Variants in CUL4B observed in about 807,000 individuals in gnomAD.
CUL4B encodes cullin-4B.
Under a neutral mutation model 69.2 loss-of-function variants are expected in CUL4B, and 1 was observed. That is an observed-to-expected ratio of 0.01 (90% CI 0.01 to 0.07). The LOEUF is 0.07. Among genes scored for constraint, CUL4B ranks in the 10% least tolerant of loss-of-function variants. The pLI is 1.00. For missense variants in CUL4B, 328 were observed against 638.8 expected, an observed-to-expected ratio of 0.51 and a Z score of 5.24; for synonymous variants, 237 against 223.2, an observed-to-expected ratio of 1.06 and a Z score of -0.55.
intron 1 of CUL4B, 111 bp downstream of exon 1, chrX:120,559,972 A>G: frequency 8.4e-7 from 1 of 1,187,863 alleles, no homozygotes; most frequent in Non-Finnish European, 1.1e-6. Flanking sequence ...TTGATTATGC[A>G]TAAAACATTA....
At position 120,524,482 on chromosome X, in the gene CUL4B, AT is replaced by A. The variant is rs901432633; in HGVS notation, c.*2278del. On this transcript the variant is annotated 3_prime_UTR_variant, in exon 20 of 20. Transcript: ENST00000371322. ...AGCATTACCACAAAACCATTACAAA[AT>A]TTTTAAAAAGTTTAAAAATAACAAA... The A allele has an allele frequency of 8.9e-6, 1 of 112,014 alleles. No homozygotes were observed. The highest frequency in any genetic ancestry group is 9.6e-5 in the Admixed American group (1 of 10,450). 9.2% of individuals were successfully genotyped at this position (112,014 alleles called of 1,213,427 possible). A position where few individuals can be genotyped will look rare whatever the true frequency, so the allele number is the denominator to read the frequency against.
At chrX:120,569,651 C>T (rs768412228), downstream of CUL4B, among the ~76,000 whole-genome samples, 3 of 112,040 alleles carry the variant, frequency 2.7e-5, no homozygotes, top group East Asian at 2.8e-4. Context: ...TGAGCCACCG[C>T]GCCCGGCTGG....
chrX:120,572,607 A>G (rs1433390563), intron 2 of CUL4B, among the ~76,000 whole-genome samples: 1 of 111,375 alleles, frequency 9.0e-6, no homozygotes, highest in Non-Finnish European at 1.9e-5. Flanking sequence ...AAGTTTACTG[A>G]TTAAAGATCT....
upstream of CUL4B, among the ~76,000 whole-genome samples, chrX:120,563,998 T>C (rs935612693): frequency 8.9e-6 from 1 of 112,419 alleles, no homozygotes; most frequent in African/African-American, 3.2e-5. Flanking sequence ...GAGTTACATG[T>C]TGGTTTTAAA....
At chrX:120,532,683 A>G (rs1240512772) in intron 17 of CUL4B, 89 bp from the exon 18 acceptor site, 2 of 820,564 alleles carry the variant, frequency 2.4e-6, no homozygotes, top group Non-Finnish European at 3.6e-6. Flanking sequence ...CCATCCCCCT[A>G]TTAAAACTAT....
At chrX:120,530,044 T>C (rs1602567520) in intron 19 of CUL4B, 58 bp downstream of exon 19, 1 of 1,108,638 alleles carries the variant, frequency 9.0e-7, no homozygotes, top group Admixed American at 2.2e-5. Flanking sequence ...TGTCTGAAAA[T>C]CTAATGTACT....
At chrX:120,572,322 G>A (rs892588629) in intron 2 of CUL4B, among the ~76,000 whole-genome samples, 3 of 108,629 alleles carry the variant, frequency 2.8e-5, no homozygotes, top group African/African-American at 6.7e-5. Context: ...AAAATTAGCC[G>A]GGTGTGGTGG....
chrX:120,538,284 A>G, intron 13 of CUL4B, 75 bp from the exon 14 acceptor site: 1 of 677,436 alleles, frequency 1.5e-6, no homozygotes, highest in South Asian at 2.6e-5. Context: ...GGGAAACACG[A>G]AATACAAAAC....
At chrX:120,526,934 AG>A (rs1466854065) in intron 19 of CUL4B, 78 bp from the exon 20 acceptor site, 3 of 542,487 alleles carry the variant, frequency 5.5e-6, no homozygotes, top group African/African-American at 4.5e-5. Context: ...CCCATTAAAA[AG>A]ACAACAGTTT....
At chrX:120,569,964 A>C (rs1011161067), downstream of CUL4B, among the ~76,000 whole-genome samples, 4 of 111,904 alleles carry the variant, frequency 3.6e-5, no homozygotes, top group African/African-American at 1.3e-4. Flanking sequence ...CATTCAGGAC[A>C]TTGCAAGGAG....
chrX:120,561,196 G>C (rs896944941), upstream of CUL4B: 7 of 641,033 alleles, frequency 1.1e-5, no homozygotes, highest in Non-Finnish European at 1.6e-5. Flanking sequence ...TCGCGCGTGA[G>C]GGGGCGGCTG....
chrX:120,530,924 G>A (rs756933424), intron 18 of CUL4B, among the ~76,000 whole-genome samples: 84 of 111,863 alleles, frequency 7.5e-4, no homozygotes, highest in African/African-American at 2.6e-3. Flanking sequence ...CAGCATAAAT[G>A]TTTTAAAAGT....
At chrX:120,539,160 A>C (rs1602575201) in intron 12 of CUL4B, 108 bp downstream of exon 12, 9 of 494,749 alleles carry the variant, frequency 1.8e-5, no homozygotes, top group Non-Finnish European at 3.0e-5. Flanking sequence ...CACAATTTTA[A>C]ATCTGTAATT....
chrX:120,526,675 A>G lies in CUL4B; in HGVS notation c.*86T>C. The stretch of plus-strand genomic sequence containing the variant: ...CTGCTTCATTTGGTCATCGGTAGTA[A>G]AAAAGGAGTCAAATAATATTGAATC... On this transcript the variant is annotated 3_prime_UTR_variant, in exon 20 of 20. Coordinates refer to ENST00000371322, the MANE Select transcript of CUL4B (RefSeq NM_001079872.2). The G allele has an allele frequency of 3.2e-6, 2 of 619,024 alleles. No individual in the cohort carries two copies. Among genetic ancestry groups the G allele is most frequent in the Non-Finnish European group, 5.4e-6 (2 of 373,773 alleles). 51.0% of individuals were successfully genotyped at this position (619,024 alleles called of 1,213,427 possible). A position where few individuals can be genotyped will look rare whatever the true frequency, so the allele number is the denominator to read the frequency against.
intron 3 of CUL4B, 30 bp from the exon 4 acceptor site, chrX:120,546,646 C>T (rs1924350678): frequency 2.9e-6 from 3 of 1,051,214 alleles, no homozygotes; most frequent in South Asian, 3.8e-5. Flanking sequence ...TATTTTAAAG[C>T]GTTTGGTACA....
At chrX:120,528,033 G>C (rs1390384184) in intron 19 of CUL4B, among the ~76,000 whole-genome samples, 1 of 112,386 alleles carries the variant, frequency 8.9e-6, no homozygotes, top group African/African-American at 3.2e-5. Context: ...TGTCAAGATA[G>C]TTCATGAAGC....
At chrX:120,561,454 G>T (rs1018213547), upstream of CUL4B, 3 of 530,780 alleles carry the variant, frequency 5.7e-6, no homozygotes, top group Admixed American at 2.5e-5. Flanking sequence ...GGGGGGGAAG[G>T]GGGGAGGGAG....
chrX:120,575,418 G>A (rs1925840897), exon 1 of CUL4B: 2 of 112,401 alleles, frequency 1.8e-5, no homozygotes, highest in African/African-American at 6.5e-5. Context: ...TCAGTCACTG[G>A]AGGATCCGTT....
At chrX:120,527,632 A>G (rs1017083550) in intron 19 of CUL4B, among the ~76,000 whole-genome samples, 2 of 111,370 alleles carry the variant, frequency 1.8e-5, no homozygotes, top group Admixed American at 9.6e-5. Context: ...TAAACACAAA[A>G]TTCATCTATG....
Sources: allele counts gnomAD v4.1 joint callset (sites outside exome capture counted in the v4.1 genomes callset), GRCh38; gene constraint gnomAD v4.1.1; transcripts MANE v1.5; gene names NCBI Gene and HGNC (gene_info 2026-07-23, HGNC 2026-07-21).